The following HOXC5 variants were observed in gnomAD, a reference collection of about 807,000 sequenced individuals.
HOXC5 encodes the protein homeobox protein Hox-C5.
In HOXC5, 19 loss-of-function variants were observed where a neutral mutation model predicts 20.1. That is an observed-to-expected ratio of 0.94 (90% CI 0.66 to 1.38). The LOEUF (loss-of-function observed/expected upper bound fraction) is 1.38, where lower values mean the gene tolerates loss of function less well. Ranked by LOEUF, HOXC5 falls within the 40% of genes most tolerant of loss-of-function variation. The pLI, the probability that HOXC5 is intolerant of heterozygous loss-of-function variation, is 0.00. For missense variants in HOXC5, 330 were observed against 300.1 expected (o/e 1.10, Z -0.74); for synonymous variants, 124 against 117.0 (o/e 1.06, Z -0.39).
At chr12:54,034,077 C>T in intron 1 of HOXC5, 1 of 712,478 alleles carries the variant, frequency 1.4e-6, no homozygotes, top group South Asian at 1.5e-5. Context: ...GTGAAGGCTG[C>T]GGTGGAAAGT....
upstream of HOXC5, among the ~76,000 whole-genome samples, chr12:54,029,403 G>GC (rs1234645036): frequency 4.5e-3 from 263 of 58,854 alleles, 6 homozygotes; most frequent in African/African-American, 0.011. Flanking sequence ...CTTTTGCCCC[G>GC]CCCCCCCGCC....
chr12:54,026,663 A>G, the HOXC5 span, among the ~76,000 whole-genome samples: 10 of 151,920 alleles, frequency 6.6e-5, no homozygotes, highest in Non-Finnish European at 1.5e-5. Context: ...TGGCAGGAAG[A>G]CTCTTCAACC....
rs1029541034 is a variant in HOXC5 at position 54,035,008 on chromosome 12, T to C, written c.*516T>C. On this transcript the variant is annotated 3_prime_UTR_variant, in exon 2 of 2. Transcript: ENST00000312492. The stretch of plus-strand genomic sequence containing the variant: ...AGCGACTAAACTAGATTTTCACTTA[T>C]GAATGATTTGCATATGAAAGGAGAG... 8 of 166,042 alleles carry C rather than the reference T, an allele frequency of 4.8e-5. No homozygotes were observed. The highest frequency in any genetic ancestry group is 3.3e-4 in the Admixed American group (6 of 18,098). 10.3% of individuals were successfully genotyped at this position (166,042 alleles called of 1,614,324 possible).
chr12:54,033,711 A>C, intron 1 of HOXC5, 135 bp downstream of exon 1: 1 of 767,588 alleles, frequency 1.3e-6, no homozygotes, highest in South Asian at 1.9e-5. Context: ...ACTGTCCACT[A>C]AAAGGCTTAG....
At chr12:54,029,711 A>G, upstream of HOXC5, 1 of 1,614,118 alleles carries the variant, frequency 6.2e-7, no homozygotes, top group Non-Finnish European at 8.5e-7. Context: ...GCGGTACCAG[A>G]CCCTGGAACT....
chr12:54,017,748 T>A, the HOXC5 span, among the ~76,000 whole-genome samples: 1 of 152,218 alleles, frequency 6.6e-6, no homozygotes, highest in African/African-American at 2.4e-5. Flanking sequence ...TTATTATAGA[T>A]CTTCGGTCTC....
At position 54,033,069 on chromosome 12, in the gene HOXC5, A is replaced by G. The variant is rs1321175361; in HGVS notation, c.-54A>G. On this transcript the variant is annotated 5_prime_UTR_variant, in exon 1 of 2. Coordinates refer to ENST00000312492, the MANE Select transcript of HOXC5 (RefSeq NM_018953.4). Reference sequence around the variant, plus strand: ...AAAAACCCCTCAACTTCAAAGAGTCACAAATCACCCTTAATCAAAAAGGGT... The same window carrying G: ...AAAAACCCCTCAACTTCAAAGAGTCGCAAATCACCCTTAATCAAAAAGGGT... 1 of 1,461,672 alleles carries G rather than the reference A, an allele frequency of 6.8e-7. No homozygotes were observed. Among genetic ancestry groups the G allele is most frequent in the African/African-American group, 1.4e-5 (1 of 70,870 alleles). 90.5% of individuals were successfully genotyped at this position (1,461,672 alleles called of 1,614,324 possible).
upstream of HOXC5, among the ~76,000 whole-genome samples, chr12:54,031,698 G>T (rs1000712272): frequency 6.6e-6 from 1 of 152,138 alleles, no homozygotes; most frequent in Non-Finnish European, 1.5e-5. Context: ...CCCCACCCTC[G>T]CCTCCAGTGC....
At chr12:54,034,245 C>A in intron 1 of HOXC5, 33 bp from the exon 2 acceptor site, 3 of 1,581,216 alleles carry the variant, frequency 1.9e-6, no homozygotes, top group South Asian at 2.2e-5. Context: ...GCTATTCACC[C>A]CTTCCTGGCT....
At chr12:54,029,785 G>T (rs199717526), upstream of HOXC5, 18 of 1,613,970 alleles carry the variant, frequency 1.1e-5, no homozygotes, top group Non-Finnish European at 1.4e-5. Flanking sequence ...TCGCCAACGC[G>T]CTTTGCCTGA....
chr12:54,026,519 G>C, the HOXC5 span, among the ~76,000 whole-genome samples: 1 of 152,150 alleles, frequency 6.6e-6, no homozygotes, highest in Non-Finnish European at 1.5e-5. Context: ...TTTCCTTGGG[G>C]AGAAGAAAGT....
chr12:54,019,562 G>A, the HOXC5 span, among the ~76,000 whole-genome samples: 1 of 152,282 alleles, frequency 6.6e-6, no homozygotes, highest in African/African-American at 2.4e-5. Flanking sequence ...GTGGATGGCC[G>A]CTGATGGGGG....
In HOXC5 at chr12:54,034,298, C is replaced by T. The variant is rs1440407501; in HGVS notation, c.475C>T (p.Arg159Ter). The T allele has an allele frequency of 1.2e-6, 2 of 1,613,922 alleles. No individual in the cohort carries two copies. Among genetic ancestry groups the T allele is most frequent in the South Asian group, 1.1e-5 (1 of 91,082 alleles). ...TCCAGAGACGGACGGCAAGCGGTCC[C>T]GAACCAGTTACACGCGCTACCAGAC... is the stretch of plus-strand genomic sequence containing the variant. ...MSHETDGKRS[R>*]TSYTRYQTLE... Residue 159 changes from arginine (R) to a stop codon, truncating the protein, a stop_gained, in exon 2 of 2, where the codon CGA becomes TGA. Coordinates refer to ENST00000312492, the MANE Select transcript of HOXC5 (RefSeq NM_018953.4). LOFTEE classifies it high-confidence loss of function.
chr12:54,018,477 G>A, the HOXC5 span, among the ~76,000 whole-genome samples: 4 of 152,240 alleles, frequency 2.6e-5, no homozygotes, highest in African/African-American at 9.6e-5. Context: ...AGAGGCGTCA[G>A]CCTGGGGCGG....
the HOXC5 span, chr12:54,022,257 A>G: frequency 6.6e-6 from 1 of 152,274 alleles, no homozygotes; most frequent in Non-Finnish European, 1.5e-5. Flanking sequence ...TGGTGGATTC[A>G]TAAAGCTAGA....
the HOXC5 span, among the ~76,000 whole-genome samples, chr12:54,024,027 T>G: frequency 6.6e-6 from 1 of 152,330 alleles, no homozygotes; most frequent in East Asian, 1.9e-4. Context: ...TTTTAATTTC[T>G]AAATAAAAAA....
In HOXC5 at chr12:54,034,432, C is replaced by G. The variant is rs1279616231; in HGVS notation, c.609C>G (p.Phe203Leu). ...ATGAGAGACAGATCAAGATCTGGTT[C>G]CAGAACCGCAGGATGAAGTGGAAGA... is the stretch of plus-strand genomic sequence containing the variant. ...CLNERQIKIW[F>L]QNRRMKWKKD... Residue 203 changes from phenylalanine (F) to leucine (L), a missense_variant, in exon 2 of 2, where the codon TTC becomes TTG. Transcript: ENST00000312492. The G allele has an allele frequency of 6.2e-7, 1 of 1,614,242 alleles. No homozygotes were observed. Among genetic ancestry groups the G allele is most frequent in the South Asian group, 1.1e-5 (1 of 91,082 alleles).
At chr12:54,031,133 C>CTG (rs1196277865), upstream of HOXC5, among the ~76,000 whole-genome samples, 1 of 152,264 alleles carries the variant, frequency 6.6e-6, no homozygotes, top group Non-Finnish European at 1.5e-5. Flanking sequence ...GCCTTTCTTC[C>CTG]TGCCTGTGGC....
chr12:54,026,457 T>C, the HOXC5 span, among the ~76,000 whole-genome samples: 1 of 152,230 alleles, frequency 6.6e-6, no homozygotes, highest in Non-Finnish European at 1.5e-5. Flanking sequence ...AGATAACTCA[T>C]CTAAAATTTT....
Sources: allele counts gnomAD v4.1 joint callset (sites outside exome capture counted in the v4.1 genomes callset), GRCh38; gene constraint gnomAD v4.1.1; transcripts MANE v1.5; gene names NCBI Gene and HGNC (gene_info 2026-07-23, HGNC 2026-07-21).